The following VIT variants were observed in gnomAD, a reference collection of about 807,000 sequenced individuals.
VIT encodes vitrin.
In VIT, 99 loss-of-function variants were observed where a neutral mutation model predicts 78.0. The observed-to-expected ratio is 1.27, with a 90% CI of 1.08 to 1.50. The LOEUF is 1.50. Ranked by LOEUF, VIT falls within the 40% of genes most tolerant of loss-of-function variation. The probability of loss-of-function intolerance (pLI) is 0.00; values close to 1 mark genes in which losing one functional copy is unlikely to be tolerated. For missense variants in VIT, 1,126 were observed against 875.3 expected, an observed-to-expected ratio of 1.29 and a Z score of -3.61; for synonymous variants, 374 against 334.3, an observed-to-expected ratio of 1.12 and a Z score of -1.29.
chr2:36,805,413 A>G (rs746051630), intron 13 of VIT, 25 bp from the exon 14 acceptor site: 1 of 1,577,620 alleles, frequency 6.3e-7, no homozygotes, highest in Non-Finnish European at 8.6e-7. Context: ...GATCACTCCA[A>G]GCATGAATTT....
At chr2:36,729,579 T>C in intron 3 of VIT, 88 bp downstream of exon 3, 4 of 1,408,732 alleles carry the variant, frequency 2.8e-6, no homozygotes, top group Non-Finnish European at 3.9e-6. Context: ...ATTTTTGTTT[T>C]GGTTTGGTTT....
intron 7 of VIT, among the ~76,000 whole-genome samples, chr2:36,768,577 T>C (rs1255552446): frequency 6.6e-6 from 1 of 152,218 alleles, no homozygotes; most frequent in African/African-American, 2.4e-5. Flanking sequence ...ATCCATTGTA[T>C]TGATGAGGAA....
chr2:36,808,384 C>A (rs1666885268), intron 14 of VIT, 88 bp from the exon 15 acceptor site: 1 of 1,479,782 alleles, frequency 6.8e-7, no homozygotes, highest in Non-Finnish European at 9.0e-7. Flanking sequence ...CTGCTTGCTT[C>A]TTCACCTGCC....
chr2:36,808,648 G>A lies in VIT; in HGVS notation c.1566G>A (p.Gly522=), dbSNP rs367875160. The A allele has an allele frequency of 9.3e-6, 15 of 1,614,124 alleles. No individual in the cohort carries two copies. Among genetic ancestry groups the A allele is most frequent in the Non-Finnish European group, 1.3e-5 (15 of 1,180,062 alleles). Residue 522 remains glycine (G), a synonymous_variant, in exon 15 of 16, where the codon GGG becomes GGA. Coordinates refer to ENST00000379242, the MANE Select transcript of VIT (RefSeq NM_053276.4). ...TCATCGACGGCTCCAGCAGTGTGGG[G>A]ACGGGCAACTTCCGCACCGTCCTCC... ...GFVIDGSSSV[G]TGNFRTVLQF...
At chr2:36,813,475 C>A (rs1332722752) in intron 15 of VIT, among the ~76,000 whole-genome samples, 1 of 152,074 alleles carries the variant, frequency 6.6e-6, no homozygotes, top group Non-Finnish European at 1.5e-5. Context: ...ACCCATTGAG[C>A]ACTTTTTCAT....
At chr2:36,723,563 A>G (rs1666644339) in intron 2 of VIT, among the ~76,000 whole-genome samples, 1 of 152,248 alleles carries the variant, frequency 6.6e-6, no homozygotes, top group Non-Finnish European at 1.5e-5. Context: ...AAAAGATTAA[A>G]CATAGTTTCA....
chr2:36,811,702 C>T (rs1160136765), intron 15 of VIT, among the ~76,000 whole-genome samples: 2 of 141,528 alleles, frequency 1.4e-5, no homozygotes, highest in Non-Finnish European at 3.0e-5. Flanking sequence ...GACGGAGTTT[C>T]GCTCTGGTTG....
chr2:36,731,777 G>C (rs552065088), intron 3 of VIT, among the ~76,000 whole-genome samples: 2 of 152,126 alleles, frequency 1.3e-5, no homozygotes, highest in African/African-American at 4.8e-5. Context: ...TGTTTATAAA[G>C]AACCATAAAA....
intron 1 of VIT, among the ~76,000 whole-genome samples, chr2:36,708,110 T>TCCCCCCCCCCCCCCCC (rs141908586): frequency 7.3e-5 from 10 of 137,780 alleles, no homozygotes; most frequent in South Asian, 2.5e-4. Flanking sequence ...GTAAAGGACC[T>TCCCCCCCCCCCCCCCC]CCCCCCCCCG....
intron 4 of VIT, among the ~76,000 whole-genome samples, chr2:36,750,197 A>G: frequency 6.6e-6 from 1 of 152,244 alleles, no homozygotes; most frequent in South Asian, 2.1e-4. Context: ...TTCACCCTGA[A>G]ATCAATTTCA....
chr2:36,735,994 G>A (rs924371328), intron 3 of VIT, among the ~76,000 whole-genome samples: 3 of 152,108 alleles, frequency 2.0e-5, no homozygotes, highest in Non-Finnish European at 2.9e-5. Context: ...ATAAATTAAC[G>A]GACTGTTTAA....
chr2:36,718,193 A>G (rs1373248221), intron 2 of VIT, among the ~76,000 whole-genome samples: 2 of 152,214 alleles, frequency 1.3e-5, no homozygotes, highest in Non-Finnish European at 2.9e-5. Flanking sequence ...ACGGGGGCTC[A>G]GGACTTCAAC....
At chr2:36,746,814 A>G (rs1668164378) in intron 4 of VIT, among the ~76,000 whole-genome samples, 1 of 152,088 alleles carries the variant, frequency 6.6e-6, no homozygotes, top group African/African-American at 2.4e-5. Flanking sequence ...TTCTGCTCTA[A>G]TTTTAGTGAT....
intron 6 of VIT, among the ~76,000 whole-genome samples, chr2:36,761,111 C>T (rs962560957): frequency 7.2e-5 from 11 of 152,176 alleles, no homozygotes; most frequent in African/African-American, 2.7e-4. Flanking sequence ...TCTGCGAGCT[C>T]TGTTGCTGTA....
intron 15 of VIT, 128 bp from the exon 16 acceptor site, chr2:36,814,055 G>T (rs748095344): frequency 1.8e-5 from 20 of 1,137,432 alleles, no homozygotes; most frequent in Non-Finnish European, 2.4e-5. Flanking sequence ...CGTATTTTTG[G>T]TTTTGTTTTG....
Position 36,743,248 on chromosome 2 carries a change from C to G in VIT, c.267C>G (p.Ala89=). 3 of 1,613,446 alleles carry G rather than the reference C, an allele frequency of 1.9e-6. No individual in the cohort carries two copies. Among genetic ancestry groups the G allele is most frequent in the Non-Finnish European group, 2.5e-6 (3 of 1,179,574 alleles). The change falls in exon 4 of 16, where the codon GCC becomes GCG. Residue 89 remains alanine (A), a synonymous_variant. Coordinates refer to ENST00000379242, the MANE Select transcript of VIT (RefSeq NM_053276.4). ...CCTACTCCAGTGTGTGTGGCGCTGC[C>G]GTACACAGGTGAGTGGTTCTGAGCT... ...YASYSSVCGA[A]VHSGVLDNSG...
At chr2:36,770,972 G>A (rs989869352) in intron 7 of VIT, among the ~76,000 whole-genome samples, 1 of 152,154 alleles carries the variant, frequency 6.6e-6, no homozygotes, top group East Asian at 1.9e-4. Context: ...ACCGCTAAGC[G>A]GGAGAAAGTG....
intron 12 of VIT, chr2:36,787,933 C>T (rs895500997): frequency 1.8e-5 from 7 of 387,152 alleles, no homozygotes; most frequent in East Asian, 1.7e-4. Flanking sequence ...ATGGAGGGCT[C>T]GTGTTGACAT....
chr2:36,789,132 C>T (rs1665307616), intron 12 of VIT, among the ~76,000 whole-genome samples: 1 of 152,178 alleles, frequency 6.6e-6, no homozygotes, highest in Non-Finnish European at 1.5e-5. Context: ...CTCACATAAG[C>T]TAATCTATCA....
Sources: allele counts gnomAD v4.1 joint callset (sites outside exome capture counted in the v4.1 genomes callset), GRCh38; gene constraint gnomAD v4.1.1; transcripts MANE v1.5; gene names NCBI Gene and HGNC (gene_info 2026-07-23, HGNC 2026-07-21).